The following ST8SIA4 variants were observed in gnomAD, a reference collection of about 807,000 sequenced individuals.
ST8SIA4 encodes the protein CMP-N-acetylneuraminate-poly-alpha-2,8-sialyltransferase.
A neutral mutation model predicts 33.9 loss-of-function variants in ST8SIA4; 15 were observed. The observed-to-expected ratio is 0.44, with a 90% confidence interval of 0.30 to 0.68. The LOEUF is 0.68. ST8SIA4 is among the 30% of genes least tolerant of loss of function. The pLI is 0.10. For synonymous variants in ST8SIA4, 171 were observed against 151.2 expected (o/e 1.13, Z -0.96); for missense variants, 321 against 428.0 (o/e 0.75, Z 2.21).
chr5:100,859,822 C>T (rs1385148606), intron 3 of ST8SIA4, among the ~76,000 whole-genome samples: 1 of 152,052 alleles, frequency 6.6e-6, no homozygotes, highest in Non-Finnish European at 1.5e-5. Context: ...GGCCATTATT[C>T]TCTGCAGTTA....
At chr5:100,890,129 AG>A (rs1236059456) in intron 2 of ST8SIA4, among the ~76,000 whole-genome samples, 1 of 151,908 alleles carries the variant, frequency 6.6e-6, no homozygotes, top group African/African-American at 2.4e-5. Flanking sequence ...AAAGACTGAA[AG>A]TAATTACTAT....
At chr5:100,816,490 T>C (rs747848320) in intron 4 of ST8SIA4, 6 of 524,034 alleles carry the variant, frequency 1.1e-5, no homozygotes, top group African/African-American at 3.9e-5. Context: ...AAGTATTACA[T>C]TGGTGCAAAA....
intron 4 of ST8SIA4, among the ~76,000 whole-genome samples, chr5:100,836,547 A>C (rs1043058963): frequency 3.3e-5 from 5 of 152,036 alleles, no homozygotes; most frequent in Non-Finnish European, 5.9e-5. Flanking sequence ...ATGCTTTCTC[A>C]ACTAAATATA....
rs559014976 is a variant in ST8SIA4, at chr5:100,837,118, A to G, written c.797+18985T>C. Among the ~76,000 whole-genome samples, 21 of 152,110 alleles carry G rather than the reference A, an allele frequency of 1.4e-4. No homozygotes were observed. In the South Asian group the frequency reaches 3.3e-3, roughly 24 times the overall value. On this transcript the variant is annotated intron_variant, in intron 4 of 4. Coordinates refer to ENST00000231461, the MANE Select transcript of ST8SIA4 (RefSeq NM_005668.6). Reference sequence around the variant, plus strand: ...ACCTGAGTCATCAGTAAGTGTCACAAGTGCTTTAGGGAGCCAGTGTTGAAC... The same window carrying G: ...ACCTGAGTCATCAGTAAGTGTCACAGGTGCTTTAGGGAGCCAGTGTTGAAC...
chr5:100,878,514 T>C (rs1420991649), intron 3 of ST8SIA4, among the ~76,000 whole-genome samples: 1 of 152,152 alleles, frequency 6.6e-6, no homozygotes, highest in African/African-American at 2.4e-5. Context: ...TTTGCTCATT[T>C]TTTTGTTTGT....
chr5:100,876,807 G>A (rs1048318989), intron 3 of ST8SIA4, among the ~76,000 whole-genome samples: 1 of 151,892 alleles, frequency 6.6e-6, no homozygotes, highest in Non-Finnish European at 1.5e-5. Context: ...GTTTGATATT[G>A]AGTCACTCGG....
chr5:100,877,155 A>G (rs1348573827), intron 3 of ST8SIA4, among the ~76,000 whole-genome samples: 2 of 152,170 alleles, frequency 1.3e-5, no homozygotes, highest in East Asian at 1.9e-4. Flanking sequence ...AAAGTGAGAA[A>G]CAAAAAAGTG....
In ST8SIA4 at chr5:100,836,480, A is replaced by G. The variant is rs181659213; in HGVS notation, c.797+19623T>C. Among the ~76,000 whole-genome samples, 299 of 152,092 alleles carry G rather than the reference A, an allele frequency of 2.0e-3. 2 individuals are homozygous for G. The highest frequency in any genetic ancestry group is 6.4e-3 in the African/African-American group (267 of 41,518). On this transcript the variant is annotated intron_variant, in intron 4 of 4. Transcript: ENST00000231461. ...TGTCATTAGGTACGGTAGACTACTAATGGATAAAAATACATAGAAAAGAAA... is the reference window on the plus strand; with the variant it reads ...TGTCATTAGGTACGGTAGACTACTAGTGGATAAAAATACATAGAAAAGAAA...
chr5:100,833,476 C>T (rs1751301251), intron 4 of ST8SIA4, among the ~76,000 whole-genome samples: 1 of 152,054 alleles, frequency 6.6e-6, no homozygotes, highest in South Asian at 2.1e-4. Flanking sequence ...AGGAAACTTA[C>T]AGATGATGGA....
intron 4 of ST8SIA4, among the ~76,000 whole-genome samples, chr5:100,821,677 C>CT (rs1163199743): frequency 1.3e-5 from 2 of 152,158 alleles, no homozygotes; most frequent in African/African-American, 4.8e-5. Context: ...TCAAAGTACA[C>CT]TAACTAAACA....
chr5:100,852,922 AT>A (rs1751736077), intron 4 of ST8SIA4, among the ~76,000 whole-genome samples: 1 of 152,168 alleles, frequency 6.6e-6, no homozygotes, highest in South Asian at 2.1e-4. Context: ...GAAACTTTTT[AT>A]TTTAATTGCA....
In ST8SIA4 at chr5:100,812,002, C is replaced by T. The variant is rs748962553; in HGVS notation, c.925G>A (p.Gly309Arg). Residue 309 changes from glycine (G) to arginine (R), a missense_variant, in exon 5 of 5, where the codon GGA becomes AGA. By Grantham distance (125) the Gly-to-Arg change is moderately radical (BLOSUM62 -2). Coordinates refer to ENST00000231461, the MANE Select transcript of ST8SIA4 (RefSeq NM_005668.6). The stretch of plus-strand genomic sequence containing the variant: ...TAATAATGATATTTGACCGCTTTTC[C>T]ATTTAAATCCTTAGGGAAGGGCCAG... ...GFWPFPKDLN[G>R]KAVKYHYYDD... 2 of 1,614,050 alleles carry T rather than the reference C, an allele frequency of 1.2e-6. No individual in the cohort carries two copies. Among genetic ancestry groups the T allele is most frequent in the Non-Finnish European group, 1.7e-6 (2 of 1,179,994 alleles).
chr5:100,811,958 C>G lies in ST8SIA4; in HGVS notation c.969G>C (p.Arg323Ser). The change falls in exon 5 of 5, where the codon AGG (arginine) becomes AGC (serine). Residue 323 changes from arginine (R) to serine (S), a missense_variant. Arg to Ser is a moderately radical substitution (Grantham distance 110, BLOSUM62 -1). Transcript: ENST00000231461. ...KYHYYDDLKY[R>S]YFSNASPHRM... ...TGTGAGGGCTTGCATTGGAAAAGTA[C>G]CTATATTTTAAGTCATCATAATAAT... The G allele has an allele frequency of 6.2e-7, 1 of 1,614,008 alleles. No homozygotes were observed. The highest frequency in any genetic ancestry group is 2.2e-5 in the East Asian group (1 of 44,868).
intron 4 of ST8SIA4, among the ~76,000 whole-genome samples, chr5:100,845,437 C>T (rs917224929): frequency 7.3e-5 from 11 of 151,450 alleles, no homozygotes; most frequent in Admixed American, 3.3e-4. Flanking sequence ...TCTCTGAATG[C>T]GTAATCGACC....
chr5:100,877,174 G>A (rs1212950653), intron 3 of ST8SIA4, among the ~76,000 whole-genome samples: 1 of 152,112 alleles, frequency 6.6e-6, no homozygotes, highest in African/African-American at 2.4e-5. Flanking sequence ...TGGAAACACA[G>A]ACTGTAAAAC....
intron 4 of ST8SIA4, among the ~76,000 whole-genome samples, chr5:100,817,799 CCAGA>C (rs1404607031): frequency 1.3e-5 from 2 of 152,020 alleles, no homozygotes; most frequent in Non-Finnish European, 2.9e-5. Context: ...TTATAGTATG[CCAGA>C]CAGACAATAA....
At chr5:100,898,456 A>C (rs1468519753) in intron 1 of ST8SIA4, among the ~76,000 whole-genome samples, 1 of 152,234 alleles carries the variant, frequency 6.6e-6, no homozygotes, top group Non-Finnish European at 1.5e-5. Flanking sequence ...TCAGTGTTCT[A>C]TGAATAAAAT....
At chr5:100,818,397 A>G (rs937971848) in intron 4 of ST8SIA4, among the ~76,000 whole-genome samples, 1 of 152,146 alleles carries the variant, frequency 6.6e-6, no homozygotes, top group African/African-American at 2.4e-5. Flanking sequence ...AGAGAGGACT[A>G]GTATAAAGGA....
At chr5:100,860,460 C>G (rs550145422) in intron 3 of ST8SIA4, among the ~76,000 whole-genome samples, 2 of 152,176 alleles carry the variant, frequency 1.3e-5, no homozygotes, top group Non-Finnish European at 2.9e-5. Flanking sequence ...AATCTGTTAG[C>G]TGTCTTTTCT....
Sources: gnomAD v4.1 joint callset for allele counts (sites outside exome capture counted in the v4.1 genomes callset) on GRCh38, gnomAD v4.1.1 for gene constraint, MANE v1.5 for transcripts, NCBI Gene and HGNC (gene_info 2026-07-23, HGNC 2026-07-21) for gene names.